The following MAN2A1 variants were observed in gnomAD, a reference collection of about 807,000 sequenced individuals.
MAN2A1 encodes mannosidase alpha class 2A member 1, also known as alpha-mannosidase 2.
MAN2A1 carries 76 observed loss-of-function variants against 142.6 expected under a neutral mutation model. The ratio of observed to expected loss-of-function variants is 0.53; its 90% CI spans 0.44 to 0.65. The LOEUF (loss-of-function observed/expected upper bound fraction) is 0.65. Among genes scored for constraint, MAN2A1 ranks in the 30% least tolerant of loss-of-function variants. MAN2A1 has a pLI of 0.00. For missense variants in MAN2A1, 1,311 were observed against 1,365.1 expected (o/e 0.96, Z 0.62); for synonymous variants, 559 against 473.2 (o/e 1.18, Z -2.35).
In MAN2A1 at chr5:109,866,941, A is replaced by C; in HGVS notation, c.3378A>C (p.Ile1126=). 1 of 1,612,792 alleles carries C rather than the reference A, an allele frequency of 6.2e-7. No individual in the cohort carries two copies. Among genetic ancestry groups the C allele is most frequent in the Non-Finnish European group, 8.5e-7 (1 of 1,179,242 alleles). ...ATTCACCTCCCGGCACTCAGAATAT[A>C]AGTGAGATCAACTTGAGTCCAATGG... ...LMHSPPGTQN[I]SEINLSPMEI... The change falls in exon 22 of 22, where the codon ATA becomes ATC. Residue 1126 remains isoleucine, a synonymous_variant. Transcript: ENST00000261483.
At chr5:109,766,497 T>C (rs1261633085) in intron 5 of MAN2A1, among the ~76,000 whole-genome samples, 11 of 152,186 alleles carry the variant, frequency 7.2e-5, no homozygotes, top group Admixed American at 7.2e-4. Context: ...TGTCCTTTAC[T>C]GGCTCCCCAT....
At chr5:109,747,756 G>A (rs1247450440) in intron 4 of MAN2A1, among the ~76,000 whole-genome samples, 1 of 152,118 alleles carries the variant, frequency 6.6e-6, no homozygotes, top group Admixed American at 6.5e-5. Flanking sequence ...TACTGCCTGG[G>A]AATAATGTGG....
chr5:109,823,575 A>G, intron 15 of MAN2A1, 148 bp from the exon 16 acceptor site: 1 of 538,572 alleles, frequency 1.9e-6, no homozygotes, highest in Non-Finnish European at 3.2e-6. Flanking sequence ...TCACATGCAT[A>G]TTTTGTTACC....
At chr5:109,728,586 T>C (rs1293632434) in intron 3 of MAN2A1, among the ~76,000 whole-genome samples, 11 of 152,196 alleles carry the variant, frequency 7.2e-5, no homozygotes, top group Admixed American at 3.3e-4. Flanking sequence ...TATAGCCAAA[T>C]TGCAACTATC....
chr5:109,710,051 G>A (rs1205332526), intron 1 of MAN2A1, among the ~76,000 whole-genome samples: 7 of 152,118 alleles, frequency 4.6e-5, no homozygotes, highest in Non-Finnish European at 1.0e-4. Flanking sequence ...TCACCTGTTT[G>A]GAGGGAGACT....
intron 1 of MAN2A1, among the ~76,000 whole-genome samples, chr5:109,699,188 C>T (rs1750901651): frequency 6.6e-6 from 1 of 152,192 alleles, no homozygotes; most frequent in Non-Finnish European, 1.5e-5. Flanking sequence ...TTTGGTACTT[C>T]TCAGCCTTCT....
At chr5:109,847,609 A>G in intron 18 of MAN2A1, 48 bp from the exon 19 acceptor site, 7 of 1,414,372 alleles carry the variant, frequency 4.9e-6, no homozygotes, top group Non-Finnish European at 6.5e-6. Context: ...GAATGTCAGT[A>G]TTAAATTATT....
chr5:109,737,790 A>G (rs1463336578), intron 4 of MAN2A1, among the ~76,000 whole-genome samples: 3 of 152,232 alleles, frequency 2.0e-5, no homozygotes, highest in East Asian at 3.9e-4. Flanking sequence ...TAAAAAATGC[A>G]TAAATATATA....
chr5:109,796,963 A>G (rs1027010729), intron 12 of MAN2A1, among the ~76,000 whole-genome samples: 1 of 152,196 alleles, frequency 6.6e-6, no homozygotes, highest in African/African-American at 2.4e-5. Flanking sequence ...TTGGTTTTGC[A>G]TCCCCTGGCA....
intron 17 of MAN2A1, among the ~76,000 whole-genome samples, chr5:109,843,583 A>G (rs1554083043): frequency 6.6e-6 from 1 of 152,004 alleles, no homozygotes; most frequent in Non-Finnish European, 1.5e-5. Context: ...CTTCCTCTAT[A>G]TGTGTGTGTG....
intron 10 of MAN2A1, 125 bp downstream of exon 10, chr5:109,785,051 A>G: frequency 3.2e-6 from 2 of 633,356 alleles, no homozygotes; most frequent in Non-Finnish European, 5.2e-6. Flanking sequence ...CCTCATAAGT[A>G]TTACTGTATC....
chr5:109,823,250 G>A (rs1308243587), intron 15 of MAN2A1, among the ~76,000 whole-genome samples: 1 of 152,064 alleles, frequency 6.6e-6, no homozygotes, highest in Non-Finnish European at 1.5e-5. Flanking sequence ...TTAGTAAACC[G>A]AGCTATGATT....
rs79653412 is a variant in MAN2A1, at chr5:109,730,495, CAAAT to C, written c.707+988_707+991del. Among the ~76,000 whole-genome samples, 1,182 of 152,030 alleles carry C rather than the reference CAAAT, an allele frequency of 7.8e-3. 71 individuals carry two copies. The East Asian group carries it at 0.12, about 16-fold the overall frequency. ...AAAAAGTTTTCTCCAATCTAGAGGT[CAAAT>C]AAATAGTGCTTTTTTTCTTCCTAAT... On this transcript the variant is annotated intron_variant, in intron 4 of 21. Transcript: ENST00000261483.
At chr5:109,692,697 A>C (rs151140094) in intron 1 of MAN2A1, among the ~76,000 whole-genome samples, 1 of 151,144 alleles carries the variant, frequency 6.6e-6, no homozygotes, top group Admixed American at 6.6e-5. Context: ...CCATTTGCTT[A>C]TGGAAAGATC....
At chr5:109,712,432 C>T (rs10067856) in intron 1 of MAN2A1, among the ~76,000 whole-genome samples, 15,020 of 152,170 alleles carry the variant, frequency 0.099, 1,025 homozygotes, top group African/African-American at 0.2. Flanking sequence ...TCTAAATTTT[C>T]AGTGGCTGAC....
At chr5:109,780,894 G>A (rs1753438732) in intron 8 of MAN2A1, among the ~76,000 whole-genome samples, 2 of 152,046 alleles carry the variant, frequency 1.3e-5, no homozygotes, top group Admixed American at 6.6e-5. Context: ...TCCTTCACAA[G>A]AACTCAACTG....
chr5:109,798,737 A>G (rs921542420), intron 12 of MAN2A1, among the ~76,000 whole-genome samples: 13 of 152,074 alleles, frequency 8.5e-5, no homozygotes, highest in Admixed American at 8.5e-4. Flanking sequence ...GCTGGAGTGC[A>G]GTGGCACAAT....
chr5:109,831,181 CA>C (rs1452778115), intron 16 of MAN2A1, among the ~76,000 whole-genome samples: 1 of 152,190 alleles, frequency 6.6e-6, no homozygotes, highest in Non-Finnish European at 1.5e-5. Flanking sequence ...GAAATGTTGA[CA>C]GTAGTAAAAT....
chr5:109,865,437 C>G (rs906709497), intron 21 of MAN2A1: 5 of 356,402 alleles, frequency 1.4e-5, no homozygotes, highest in Non-Finnish European at 2.7e-5. Flanking sequence ...TGCTCCCAGT[C>G]CCCCAGTTTT....
Sources: allele counts gnomAD v4.1 joint callset (sites outside exome capture counted in the v4.1 genomes callset), GRCh38; gene constraint gnomAD v4.1.1; transcripts MANE v1.5; gene names NCBI Gene and HGNC (gene_info 2026-07-23, HGNC 2026-07-21).